NEK5: variants seen among roughly 807,000 people sequenced by gnomAD.
The protein encoded by NEK5 is serine/threonine-protein kinase Nek5.
In NEK5, 88 loss-of-function variants were observed where a neutral mutation model predicts 109.2. That is an observed-to-expected ratio of 0.81 (90% CI 0.68 to 0.96). NEK5 has a LOEUF of 0.96. NEK5 is among the 40% of genes least tolerant of loss of function. The pLI, the probability that NEK5 is intolerant of heterozygous loss-of-function variation, is 0.00. For synonymous variants in NEK5, 283 were observed against 299.9 expected (o/e 0.94, Z 0.58); for missense variants, 834 against 920.7 (o/e 0.91, Z 1.22).
rs1954617017 is a variant in NEK5, at chr13:52,061,907, C to T, written c.2022G>A (p.Gln674=). 11 of 961,612 alleles carry T rather than the reference C, an allele frequency of 1.1e-5. No individual in the cohort carries two copies. Among genetic ancestry groups the T allele is most frequent in the Non-Finnish European group, 1.4e-5 (11 of 808,008 alleles). 59.6% of individuals were successfully genotyped at this position (961,612 alleles called of 1,614,324 possible). The change falls in exon 22 of 24, where the codon CAG becomes CAA. Residue 674 remains glutamine (Q), a synonymous_variant. Coordinates refer to ENST00000684899, the MANE Select transcript of NEK5 (RefSeq NM_001365552.1). ...VIEGIPGNRK[Q]WRHEAPGTLM... ...AAGTTCCTGGAGCTTCATGCCGCCA[C>T]TGTTTCCTGTTTCCTGGAATGCCTT... is the stretch of plus-strand genomic sequence containing the variant.
intron 7 of NEK5, 53 bp from the exon 8 acceptor site, chr13:52,108,457 A>G: frequency 1.7e-6 from 2 of 1,181,956 alleles, no homozygotes; most frequent in Non-Finnish European, 2.5e-6. Context: ...TGGAGTAAGA[A>G]AAGTCTTAAG....
At chr13:52,091,629 C>G (rs1955285955) in intron 13 of NEK5, among the ~76,000 whole-genome samples, 1 of 151,988 alleles carries the variant, frequency 6.6e-6, no homozygotes, top group Non-Finnish European at 1.5e-5. Flanking sequence ...TCAGAGTCGC[C>G]AAAGTAACAA....
chr13:52,063,267 G>C (rs1329392531), intron 21 of NEK5, among the ~76,000 whole-genome samples: 1 of 152,230 alleles, frequency 6.6e-6, no homozygotes, highest in African/African-American at 2.4e-5. Flanking sequence ...TGGAGACGGG[G>C]TTTCGCTGTG....
intron 20 of NEK5, among the ~76,000 whole-genome samples, chr13:52,066,687 C>G (rs1050889604): frequency 1.3e-5 from 2 of 151,700 alleles, no homozygotes; most frequent in African/African-American, 4.8e-5. Context: ...GCCTGTAGTC[C>G]CAGCTACTCG....
At chr13:52,073,320 CTTT>C (rs111793172) in intron 19 of NEK5, among the ~76,000 whole-genome samples, 2 of 143,228 alleles carry the variant, frequency 1.4e-5, no homozygotes. Flanking sequence ...TTTTCTTTCC[CTTT>C]TTTTTTTTTT....
At chr13:52,098,327 AT>A in intron 12 of NEK5, among the ~76,000 whole-genome samples, 1 of 151,998 alleles carries the variant, frequency 6.6e-6, no homozygotes, top group Non-Finnish European at 1.5e-5. Context: ...ATGAAGGGCA[AT>A]AACTTAAACA....
At position 52,084,762 on chromosome 13, in the gene NEK5, A is replaced by AGAGAGTGTGTGT. The variant is rs1228944662; in HGVS notation, c.1480-1411_1480-1410insACACACACTCTC. ...GAGAGAGAGAGAGAGAGAGAGAGAG[A>AGAGAGTGTGTGT]GTGTGTGTGTGTGTGTGTGTGTGTG... On this transcript the variant is annotated intron_variant, in intron 16 of 23. Transcript: ENST00000684899. 2.5e-4 allele frequency among the ~76,000 whole-genome samples: 12 copies of AGAGAGTGTGTGT among 47,438 alleles called. No homozygotes were observed. The East Asian group carries it at 3.0e-3, about 12-fold the overall frequency. The allele number at this position is 47,438 out of a possible 152,430, so 31.1% of individuals were successfully genotyped here.
intron 8 of NEK5, among the ~76,000 whole-genome samples, chr13:52,107,016 A>G (rs968868571): frequency 6.6e-6 from 1 of 152,224 alleles, no homozygotes; most frequent in African/African-American, 2.4e-5. Flanking sequence ...CATCCTCTTC[A>G]ATCTTTCTTG....
intron 20 of NEK5, among the ~76,000 whole-genome samples, chr13:52,065,951 G>C (rs939578217): frequency 2.6e-5 from 4 of 151,680 alleles, no homozygotes; most frequent in African/African-American, 9.7e-5. Flanking sequence ...AAAATAACTT[G>C]TTCTGTCTTT....
intron 11 of NEK5, 62 bp downstream of exon 11, chr13:52,101,871 T>A (rs1235754532): frequency 1.5e-6 from 2 of 1,307,178 alleles, no homozygotes; most frequent in Non-Finnish European, 2.2e-6. Context: ...TTTCCTTGCA[T>A]TACTCTCTGT....
chr13:52,094,021 G>A (rs1955351673), intron 12 of NEK5, among the ~76,000 whole-genome samples: 1 of 152,174 alleles, frequency 6.6e-6, no homozygotes, highest in Non-Finnish European at 1.5e-5. Flanking sequence ...AGAAGATGCT[G>A]AATCAGAATC....
intron 22 of NEK5, among the ~76,000 whole-genome samples, chr13:52,061,344 G>A (rs929104283): frequency 1.3e-5 from 2 of 152,144 alleles, no homozygotes; most frequent in Non-Finnish European, 2.9e-5. Flanking sequence ...GTTCCTAACA[G>A]GCCACAGACT....
intron 4 of NEK5, among the ~76,000 whole-genome samples, chr13:52,113,380 C>T (rs1955792500): frequency 6.6e-6 from 1 of 151,642 alleles, no homozygotes. Flanking sequence ...ATTACATAAA[C>T]TGATGAAATA....
intron 3 of NEK5, among the ~76,000 whole-genome samples, chr13:52,123,874 G>A (rs1052647831): frequency 6.8e-6 from 1 of 147,644 alleles, no homozygotes; most frequent in East Asian, 1.9e-4. Flanking sequence ...AGATCAGCAG[G>A]CAACGACCTT....
intron 3 of NEK5, among the ~76,000 whole-genome samples, chr13:52,127,076 G>A (rs1956077190): frequency 2.0e-5 from 3 of 152,186 alleles, no homozygotes; most frequent in Middle Eastern, 3.4e-3. Flanking sequence ...GCAGGGACAG[G>A]GTCTTGCTAT....
intron 23 of NEK5, among the ~76,000 whole-genome samples, chr13:52,045,581 A>T (rs12560598): frequency 7.2e-6 from 1 of 139,794 alleles, no homozygotes; most frequent in Non-Finnish European, 1.5e-5. Flanking sequence ...CTGGCTAACA[A>T]GGTGAAACCC....
chr13:52,052,804 T>G (rs1954519375), intron 22 of NEK5, among the ~76,000 whole-genome samples: 1 of 152,224 alleles, frequency 6.6e-6, no homozygotes, highest in Non-Finnish European at 1.5e-5. Context: ...CTTACCTTTG[T>G]TCCAGACACC....
intron 15 of NEK5, among the ~76,000 whole-genome samples, chr13:52,086,974 T>G (rs570744996): frequency 2.6e-5 from 4 of 152,212 alleles, no homozygotes; most frequent in Admixed American, 1.3e-4. Flanking sequence ...GGGCACTTGG[T>G]CCTGCTGACA....
chr13:52,065,094 C>G (rs185720150), intron 21 of NEK5: 1 of 244,208 alleles, frequency 4.1e-6, no homozygotes, highest in Non-Finnish European at 8.1e-6. Flanking sequence ...TCCCCCTCTG[C>G]GAGAAACACC....
Sources: gnomAD v4.1 joint callset for allele counts (sites outside exome capture counted in the v4.1 genomes callset) on GRCh38, gnomAD v4.1.1 for gene constraint, MANE v1.5 for transcripts, NCBI Gene and HGNC (gene_info 2026-07-23, HGNC 2026-07-21) for gene names.